Variants in MAPKAP1 observed in about 807,000 individuals in gnomAD.
The protein encoded by MAPKAP1 is target of rapamycin complex 2 subunit MAPKAP1.
A neutral mutation model predicts 65.7 loss-of-function variants in MAPKAP1; 20 were observed. That is an observed-to-expected ratio of 0.30 (90% CI 0.21 to 0.44). MAPKAP1 has a LOEUF of 0.44. Ranked by LOEUF, MAPKAP1 falls within the 20% of genes least tolerant of loss-of-function variation. The pLI, the probability that MAPKAP1 is intolerant of heterozygous loss-of-function variation, is 1.00. For missense variants in MAPKAP1, 423 were observed against 648.0 expected (o/e 0.65, Z 3.77); for synonymous variants, 222 against 244.3 (o/e 0.91, Z 0.85).
intron 3 of MAPKAP1, among the ~76,000 whole-genome samples, chr9:125,660,269 G>A (rs1159692480): frequency 6.6e-6 from 1 of 152,114 alleles, no homozygotes; most frequent in Admixed American, 6.6e-5. Context: ...CTTGCCTCTG[G>A]GGAGTGAAAT....
intron 6 of MAPKAP1, among the ~76,000 whole-genome samples, chr9:125,547,543 A>G (rs1484526596): frequency 6.6e-6 from 1 of 152,174 alleles, no homozygotes; most frequent in East Asian, 1.9e-4. Flanking sequence ...CAAACAGTAA[A>G]GGGAGTCGAC....
At chr9:125,467,939 A>G in intron 10 of MAPKAP1, 33 bp downstream of exon 10, 2 of 1,609,668 alleles carry the variant, frequency 1.2e-6, no homozygotes, top group Non-Finnish European at 8.5e-7. Flanking sequence ...GGGGAAAGAG[A>G]GAAAGGAGAC....
chr9:125,466,376 T>C (rs931612923), intron 10 of MAPKAP1, among the ~76,000 whole-genome samples: 1 of 152,202 alleles, frequency 6.6e-6, no homozygotes, highest in Non-Finnish European at 1.5e-5. Flanking sequence ...AGTGTTTTAC[T>C]GGTGCAGTGA....
At chr9:125,635,854 G>A (rs377646620) in intron 4 of MAPKAP1, among the ~76,000 whole-genome samples, 48 of 152,260 alleles carry the variant, frequency 3.2e-4, no homozygotes, top group East Asian at 9.6e-4. Context: ...CAAAGCAGGC[G>A]TAGCAGTTTA....
chr9:125,555,319 C>T (rs1243857414), intron 6 of MAPKAP1, among the ~76,000 whole-genome samples: 1 of 152,106 alleles, frequency 6.6e-6, no homozygotes, highest in African/African-American at 2.4e-5. Flanking sequence ...TTACTGTTAC[C>T]CAAATTTTAA....
At chr9:125,553,598 G>T (rs1249274765) in intron 6 of MAPKAP1, among the ~76,000 whole-genome samples, 1 of 152,022 alleles carries the variant, frequency 6.6e-6, no homozygotes, top group African/African-American at 2.4e-5. Context: ...AACTTATTGG[G>T]AAAATCCAGA....
chr9:125,518,125 T>TA (rs1334699360), intron 7 of MAPKAP1, among the ~76,000 whole-genome samples: 1 of 152,178 alleles, frequency 6.6e-6, no homozygotes, highest in Admixed American at 6.5e-5. Context: ...TCCTAAGAAA[T>TA]ATTAGCCCAA....
intron 1 of MAPKAP1, among the ~76,000 whole-genome samples, chr9:125,679,184 T>C (rs1588067106): frequency 6.6e-6 from 1 of 152,236 alleles, no homozygotes; most frequent in East Asian, 1.9e-4. Flanking sequence ...GTATTTTTAG[T>C]AGAGACAGGG....
rs539925959 is a variant in MAPKAP1, at chr9:125,499,966, G to A, written c.1066+6344C>T. 1.6e-3 allele frequency among the ~76,000 whole-genome samples: 246 copies of A among 152,028 alleles called. 1 individual carries two copies. Among genetic ancestry groups the A allele is most frequent in the Non-Finnish European group, 2.9e-3 (197 of 68,002 alleles). The stretch of plus-strand genomic sequence containing the variant: ...CTCACCACTGCACTCCAGCCTGGGT[G>A]ACAGAATGAGACTCTTTCAAAAACA... On this transcript the variant is annotated intron_variant, in intron 8 of 11. Coordinates refer to ENST00000265960, the MANE Select transcript of MAPKAP1 (RefSeq NM_001006617.3).
In MAPKAP1 at chr9:125,438,605, T is replaced by A; in HGVS notation, c.*282A>T. 2.2e-6 allele frequency: 1 copy of A among 461,014 alleles called. No individual in the cohort carries two copies. The allele number at this position is 461,014 out of a possible 1,614,324, so 28.6% of individuals were successfully genotyped here. A position where few individuals can be genotyped will look rare whatever the true frequency, so the allele number is the denominator to read the frequency against. ...CATCCTCGGGCAGGGTGGCAGGCAT[T>A]GAAGGTGGCTGGGCGGCACGTGGCT... On this transcript the variant is annotated 3_prime_UTR_variant, in exon 12 of 12. Coordinates refer to ENST00000265960, the MANE Select transcript of MAPKAP1 (RefSeq NM_001006617.3).
intron 7 of MAPKAP1, among the ~76,000 whole-genome samples, chr9:125,512,245 G>T (rs1261249021): frequency 6.6e-6 from 1 of 152,248 alleles, no homozygotes; most frequent in Admixed American, 6.5e-5. Flanking sequence ...AGAGAGGGAA[G>T]ACACACTGTC....
intron 4 of MAPKAP1, among the ~76,000 whole-genome samples, chr9:125,622,748 A>G (rs1292296153): frequency 6.6e-6 from 1 of 152,006 alleles, no homozygotes; most frequent in African/African-American, 2.4e-5. Flanking sequence ...CTGGCCCAAT[A>G]TGTACAATTA....
chr9:125,442,560 C>T (rs1289959762), intron 11 of MAPKAP1, among the ~76,000 whole-genome samples: 6 of 149,266 alleles, frequency 4.0e-5, no homozygotes, highest in Admixed American at 4.0e-4. Flanking sequence ...AAAAGTCCAG[C>T]CCCTATCGGG....
intron 5 of MAPKAP1, among the ~76,000 whole-genome samples, chr9:125,582,522 CAG>C (rs943474612): frequency 6.6e-6 from 1 of 152,188 alleles, no homozygotes; most frequent in African/African-American, 2.4e-5. Context: ...CTCATCCAAA[CAG>C]AGGCCTCCAG....
At chr9:125,513,033 A>C (rs1300960971) in intron 7 of MAPKAP1, 2 of 152,220 alleles carry the variant, frequency 1.3e-5, no homozygotes, top group African/African-American at 4.8e-5. Flanking sequence ...CTCCTTAGGC[A>C]ACCTGGTGGT....
At chr9:125,683,146 T>C (rs1253684603) in intron 1 of MAPKAP1, among the ~76,000 whole-genome samples, 2 of 151,916 alleles carry the variant, frequency 1.3e-5, no homozygotes, top group Non-Finnish European at 2.9e-5. Flanking sequence ...TTAGTAGAGA[T>C]GGAGTTTCAC....
At chr9:125,560,939 A>G (rs1405542292) in intron 5 of MAPKAP1, among the ~76,000 whole-genome samples, 1 of 152,224 alleles carries the variant, frequency 6.6e-6, no homozygotes, top group African/African-American at 2.4e-5. Flanking sequence ...ATACCAACAT[A>G]CAGACAGTGT....
At chr9:125,501,881 C>T (rs1828991467) in intron 8 of MAPKAP1, among the ~76,000 whole-genome samples, 1 of 152,062 alleles carries the variant, frequency 6.6e-6, no homozygotes, top group South Asian at 2.1e-4. Flanking sequence ...ATTCCTACTA[C>T]TATCTGTGTT....
rs572975182 is a variant in MAPKAP1, at chr9:125,481,425, C to T, written c.1207+3018G>A. On this transcript the variant is annotated intron_variant, in intron 9 of 11. Transcript: ENST00000265960. ...GACCACAGTTGGGCTACTTATTGGG[C>T]TTCTTTTTTTCCTTTGAGACAGAGT... 7.9e-5 allele frequency among the ~76,000 whole-genome samples: 12 copies of T among 152,206 alleles called. No individual in the cohort carries two copies. In the South Asian group the frequency reaches 2.1e-3, roughly 26 times the overall value.
Sources: gnomAD v4.1 joint callset for allele counts (sites outside exome capture counted in the v4.1 genomes callset) on GRCh38, gnomAD v4.1.1 for gene constraint, MANE v1.5 for transcripts, NCBI Gene and HGNC (gene_info 2026-07-23, HGNC 2026-07-21) for gene names.